VASN: variants seen among roughly 807,000 people sequenced by gnomAD.
VASN encodes the protein protein slit-like 2.
VASN carries 5 observed loss-of-function variants against 4.8 expected under a neutral mutation model. That is an observed-to-expected ratio of 1.03 (90% confidence interval 0.54 to 2.17). The LOEUF (loss-of-function observed/expected upper bound fraction) is 2.17. VASN is among the 30% of genes most tolerant of loss of function. The pLI, the probability that VASN is intolerant of heterozygous loss-of-function variation, is 0.01. For synonymous variants in VASN, 499 were observed against 460.8 expected (o/e 1.08, Z -1.06); for missense variants, 927 against 948.8 (o/e 0.98, Z 0.30).
intron 1 of VASN, among the ~76,000 whole-genome samples, chr16:4,372,755 C>T (rs966217630): frequency 1.3e-5 from 2 of 152,204 alleles, no homozygotes; most frequent in African/African-American, 2.4e-5. Context: ...CATTCTGCCT[C>T]TCCCCCATTC....
At position 4,382,445 on chromosome 16, in the gene VASN, C is replaced by T; in HGVS notation, c.1568C>T (p.Thr523Ile). ...LPASLAEYTVTQLRPNATYSV... is the reference protein window; with the variant it reads ...LPASLAEYTVIQLRPNATYSV... ...GCCTCGCTCGCTGAGTACACGGTCACCCAGCTGCGGCCCAACGCCACTTAC... is the reference window on the plus strand; with the variant it reads ...GCCTCGCTCGCTGAGTACACGGTCATCCAGCTGCGGCCCAACGCCACTTAC... The change falls in exon 2 of 2, where the codon ACC becomes ATC. Residue 523 changes from threonine to isoleucine, a missense_variant. Thr to Ile is a moderately conservative substitution (Grantham distance 89). Transcript: ENST00000304735. The T allele has an allele frequency of 1.2e-6, 2 of 1,609,894 alleles. No individual in the cohort carries two copies. The highest frequency in any genetic ancestry group is 1.7e-6 in the Non-Finnish European group (2 of 1,178,652).
intron 1 of VASN, among the ~76,000 whole-genome samples, chr16:4,374,261 G>A (rs1475263019): frequency 6.6e-6 from 1 of 152,086 alleles, no homozygotes; most frequent in Non-Finnish European, 1.5e-5. Context: ...TCCTTTTATC[G>A]GTTTCCACAT....
At position 4,381,186 on chromosome 16, in the gene VASN, C is replaced by A. The variant is rs780215125; in HGVS notation, c.309C>A (p.Ser103Arg). 6.2e-7 allele frequency: 1 copy of A among 1,612,088 alleles called. No homozygotes were observed. Among genetic ancestry groups the A allele is most frequent in the South Asian group, 1.1e-5 (1 of 90,984 alleles). Residue 103 changes from serine to arginine, a missense_variant, in exon 2 of 2, where the codon AGC (serine) becomes AGA (arginine). Transcript: ENST00000304735. ...SGVFQPLANL[S>R]NLDLTANRLH... Reference sequence around the variant, plus strand: ...TCTTCCAGCCACTCGCCAACCTCAGCAACCTGGACCTGACAGCCAACAGGC... The same window carrying A: ...TCTTCCAGCCACTCGCCAACCTCAGAAACCTGGACCTGACAGCCAACAGGC...
intron 1 of VASN, 102 bp from the exon 2 acceptor site, chr16:4,380,767 T>A (rs1313784518): frequency 7.8e-7 from 1 of 1,282,078 alleles, no homozygotes; most frequent in Non-Finnish European, 1.0e-6. Flanking sequence ...TCTCTTGCAT[T>A]TGGGGGCAGA....
rs1181865967 is a variant in VASN, at chr16:4,382,522, G to T, written c.1645G>T (p.Ala549Ser). Residue 549 changes from alanine to serine, a missense_variant, in exon 2 of 2, where the codon GCC (alanine) becomes TCC (serine). Physicochemically the swap from Ala to Ser is moderately conservative, Grantham distance 99. Coordinates refer to ENST00000304735, the MANE Select transcript of VASN (RefSeq NM_138440.3). ...CGGGCGGGTGCCGGAGGGCGAGGAG[G>T]CCTGCGGGGAGGCCCATACACCCCC... is the stretch of plus-strand genomic sequence containing the variant. ...GPGRVPEGEE[A>S]CGEAHTPPAV... 12 of 1,592,948 alleles carry T rather than the reference G, an allele frequency of 7.5e-6. 1 individual carries two copies. The South Asian group carries it at 1.4e-4, about 18-fold the overall frequency.
At position 4,382,863 on chromosome 16, in the gene VASN, C is replaced by A; in HGVS notation, c.1986C>A (p.Gly662=). The change falls in exon 2 of 2, where the codon GGC becomes GGA. Residue 662 remains glycine, a synonymous_variant. Transcript: ENST00000304735. The stretch of plus-strand genomic sequence containing the variant: ...CACTCATGGGCTTCCCAGGGCCTGG[C>A]CTCCAGTCACCCCTCCACGCAAAGC... ...EVPLMGFPGP[G]LQSPLHAKPY... 6.4e-7 allele frequency: 1 copy of A among 1,567,518 alleles called. No homozygotes were observed. The highest frequency in any genetic ancestry group is 8.6e-7 in the Non-Finnish European group (1 of 1,158,052).
Position 4,382,006 on chromosome 16 carries a change from C to G in VASN, c.1129C>G (p.Pro377Ala). Reference protein sequence around the residue: ...EPTALSSSLAPTWLSPTEPAT... With the variant: ...EPTALSSSLAATWLSPTEPAT... ...CACAGCCTTGTCTTCTAGCTTGGCT[C>G]CTACCTGGCTTAGCCCCACAGAGCC... The change falls in exon 2 of 2, where the codon CCT becomes GCT. Residue 377 changes from proline to alanine, a missense_variant. Coordinates refer to ENST00000304735, the MANE Select transcript of VASN (RefSeq NM_138440.3). The G allele has an allele frequency of 6.2e-7, 1 of 1,605,776 alleles. No homozygotes were observed. Among genetic ancestry groups the G allele is most frequent in the South Asian group, 1.1e-5 (1 of 90,240 alleles).
chr16:4,377,220 C>A (rs573128187), intron 1 of VASN, among the ~76,000 whole-genome samples: 71 of 152,260 alleles, frequency 4.7e-4, no homozygotes, highest in African/African-American at 1.6e-3. Context: ...TTCCCACCCC[C>A]CGACGTCCCC....
intron 1 of VASN, among the ~76,000 whole-genome samples, chr16:4,376,673 GGTGGGC>G (rs2054742981): frequency 6.6e-6 from 1 of 152,146 alleles, no homozygotes; most frequent in African/African-American, 2.4e-5. Context: ...CCCAGAGGTG[GGTGGGC>G]GTCCCCCTGG....
Position 4,382,230 on chromosome 16 carries a change from CA to C in VASN, c.1354del (p.Ser452AlafsTer13). 1 of 1,606,344 alleles carries C rather than the reference CA, an allele frequency of 6.2e-7. No homozygotes were observed. The highest frequency in any genetic ancestry group is 8.5e-7 in the Non-Finnish European group (1 of 1,178,052). On this transcript the variant is annotated frameshift_variant, in exon 2 of 2. Transcript: ENST00000304735. LOFTEE classifies it high-confidence loss of function. Reference sequence around the variant, plus strand: ...GCCAGATGGGGCAGGGGACACGGCCCAGCCCTACACCAGTCACGCCGAGGCC... The same window carrying C: ...GCCAGATGGGGCAGGGGACACGGCCCGCCCTACACCAGTCACGCCGAGGCC... ...ESQMGQGTRP[S>X]PTPVTPRPPR...
intron 1 of VASN, among the ~76,000 whole-genome samples, chr16:4,372,457 G>A (rs997065389): frequency 1.3e-5 from 2 of 152,352 alleles, no homozygotes; most frequent in Admixed American, 1.3e-4. Context: ...GCACAGCTGG[G>A]GGCTACAGAT....
chr16:4,380,272 C>T (rs1001813217), intron 1 of VASN, among the ~76,000 whole-genome samples: 5 of 152,184 alleles, frequency 3.3e-5, no homozygotes, highest in Non-Finnish European at 5.9e-5. Flanking sequence ...ACCTTCCCGC[C>T]GGCCACTTCC....
At chr16:4,375,403 G>A (rs2054682792) in intron 1 of VASN, among the ~76,000 whole-genome samples, 1 of 152,248 alleles carries the variant, frequency 6.6e-6, no homozygotes, top group South Asian at 2.1e-4. Context: ...GCAACCCTCT[G>A]TCCTGGTGTT....
intron 1 of VASN, among the ~76,000 whole-genome samples, chr16:4,376,698 AT>A (rs1027251222): frequency 3.9e-5 from 6 of 152,196 alleles, no homozygotes; most frequent in African/African-American, 1.4e-4. Context: ...GGGAGTTGAG[AT>A]GACGAGTGCC....
rs767308784 is a variant in VASN, at chr16:4,382,303, C to T, written c.1426C>T (p.Leu476=). ...CATCGAGCCGGTGAGCCCCACCTCC[C>T]TGCGCGTGGGGCTGCAGCGCTACCT... The part of the protein sequence containing the change: ...LGIEPVSPTS[L]RVGLQRYLQG... Residue 476 remains leucine, a synonymous_variant, in exon 2 of 2, where the codon CTG becomes TTG. Coordinates refer to ENST00000304735, the MANE Select transcript of VASN (RefSeq NM_138440.3). The T allele has an allele frequency of 1.9e-6, 3 of 1,610,276 alleles. No individual in the cohort carries two copies. In the African/African-American group the frequency reaches 4.0e-5, roughly 21 times the overall value.
chr16:4,380,273 G>A (rs1325515123), intron 1 of VASN, among the ~76,000 whole-genome samples: 3 of 152,100 alleles, frequency 2.0e-5, no homozygotes, highest in East Asian at 1.9e-4. Flanking sequence ...CCTTCCCGCC[G>A]GCCACTTCCT....
chr16:4,381,244 C>T lies in VASN; in HGVS notation c.367C>T (p.Leu123=), dbSNP rs1477020148. 1 of 1,611,820 alleles carries T rather than the reference C, an allele frequency of 6.2e-7. No homozygotes were observed. The highest frequency in any genetic ancestry group is 2.2e-5 in the East Asian group (1 of 44,780). Reference sequence around the variant, plus strand: ...AATCACCAATGAGACCTTCCGTGGCCTGCGGCGCCTCGAGCGCCTCTACCT... The same window carrying T: ...AATCACCAATGAGACCTTCCGTGGCTTGCGGCGCCTCGAGCGCCTCTACCT... ...HEITNETFRG[L]RRLERLYLGK... is the part of the protein sequence containing the mutation. The change falls in exon 2 of 2, where the codon CTG becomes TTG. Residue 123 remains leucine (L), a synonymous_variant. Coordinates refer to ENST00000304735, the MANE Select transcript of VASN (RefSeq NM_138440.3).
In VASN at chr16:4,383,334, C is replaced by T. The variant is rs552924712; in HGVS notation, c.*435C>T. On this transcript the variant is annotated 3_prime_UTR_variant, in exon 2 of 2. Coordinates refer to ENST00000304735, the MANE Select transcript of VASN (RefSeq NM_138440.3). Reference sequence around the variant, plus strand: ...GTCTTGGCCCCAGGAAGCGAAGGAACAAAAGAAACTGGAAAGGAAGATGCT... The same window carrying T: ...GTCTTGGCCCCAGGAAGCGAAGGAATAAAAGAAACTGGAAAGGAAGATGCT... 1.6e-5 allele frequency: 3 copies of T among 192,882 alleles called. No homozygotes were observed. In the East Asian group the frequency reaches 4.4e-4, roughly 29 times the overall value. The allele number at this position is 192,882 out of a possible 1,614,324, so 11.9% of individuals were successfully genotyped here.
At chr16:4,376,816 C>T (rs563503410) in intron 1 of VASN, among the ~76,000 whole-genome samples, 1 of 152,308 alleles carries the variant, frequency 6.6e-6, no homozygotes, top group East Asian at 1.9e-4. Flanking sequence ...AGATACCCCA[C>T]CCCCGCTCCC....
Sources: gnomAD v4.1 joint callset for allele counts (sites outside exome capture counted in the v4.1 genomes callset) on GRCh38, gnomAD v4.1.1 for gene constraint, MANE v1.5 for transcripts, NCBI Gene and HGNC (gene_info 2026-07-23, HGNC 2026-07-21) for gene names.